The following ITIH4 variants were observed in gnomAD, a reference collection of about 807,000 sequenced individuals.
ITIH4 encodes the protein inter-alpha-trypsin inhibitor heavy chain H4.
ITIH4 carries 79 observed loss-of-function variants against 111.8 expected under a neutral mutation model. That is an observed-to-expected ratio of 0.71 (90% CI 0.59 to 0.85). The LOEUF (loss-of-function observed/expected upper bound fraction) is 0.85. ITIH4 is among the 40% of genes least tolerant of loss of function. The pLI, the probability that ITIH4 is intolerant of heterozygous loss-of-function variation, is 0.00. For synonymous variants in ITIH4, 472 were observed against 468.3 expected (o/e 1.01, Z -0.10); for missense variants, 1,065 against 1,195.8 (o/e 0.89, Z 1.61).
chr3:52,822,268 G>C (rs886670896), intron 11 of ITIH4: 1 of 152,158 alleles, frequency 6.6e-6, no homozygotes, highest in African/African-American at 2.4e-5. Context: ...GTGTGAACCT[G>C]GGAGGTGGAG....
chr3:52,826,273 A>T (rs760877241), intron 5 of ITIH4, among the ~76,000 whole-genome samples: 2 of 152,048 alleles, frequency 1.3e-5, no homozygotes, highest in Non-Finnish European at 2.9e-5. Context: ...CCTTCTCTCC[A>T]CCTGGCCCCA....
chr3:52,815,325 C>T (rs183731085), intron 21 of ITIH4, among the ~76,000 whole-genome samples: 165 of 151,468 alleles, frequency 1.1e-3, no homozygotes, highest in Admixed American at 4.3e-3. Flanking sequence ...CTCACTGCAA[C>T]CTCCACCTCC....
At position 52,820,259 on chromosome 3, in the gene ITIH4, C is replaced by T. The variant is rs201651062; in HGVS notation, c.1861+32G>A. On this transcript the variant is annotated intron_variant, in intron 14 of 23. Coordinates refer to ENST00000266041, the MANE Select transcript of ITIH4 (RefSeq NM_002218.5). ...GACCCTGTGTTAGCAGACCACCACC[C>T]AGCACAGCCTTTGAGGATGTTCGCT... 546 of 1,613,952 alleles carry T rather than the reference C, an allele frequency of 3.4e-4. 3 individuals are homozygous for T. The South Asian group carries it at 4.4e-3, about 13-fold the overall frequency.
chr3:52,816,207 G>A (rs998667483), intron 21 of ITIH4, among the ~76,000 whole-genome samples: 8 of 152,282 alleles, frequency 5.3e-5, no homozygotes, highest in East Asian at 1.9e-4. Context: ...GACGCCCCTC[G>A]TGATCTGCAA....
intron 6 of ITIH4, 122 bp downstream of exon 6, chr3:52,825,764 C>G (rs1000503680): frequency 9.4e-7 from 1 of 1,066,768 alleles, no homozygotes; most frequent in South Asian, 1.8e-5. Context: ...CTGTCTGTGC[C>G]GGTCCCTGGT....
rs921439153 is a variant in ITIH4 at position 52,819,775 on chromosome 3, T to C, written c.1930A>G (p.Arg644Gly). The C allele has an allele frequency of 6.2e-7, 1 of 1,613,986 alleles. No homozygotes were observed. The highest frequency in any genetic ancestry group is 8.5e-7 in the Non-Finnish European group (1 of 1,180,004). Reference protein sequence around the residue: ...IPKPEASFSPRRGWNRQAGAA... With the variant: ...IPKPEASFSPGRGWNRQAGAA... Reference sequence around the variant, plus strand: ...CTACCTTGTCTATTCCATCCTCTTCTTGGAGAAAAGGAAGCCTCTGTGTGG... The same window carrying C: ...CTACCTTGTCTATTCCATCCTCTTCCTGGAGAAAAGGAAGCCTCTGTGTGG... Residue 644 changes from arginine to glycine, a missense_variant, in exon 16 of 24, where the codon AGA becomes GGA. Arg to Gly is a moderately radical substitution (Grantham distance 125, BLOSUM62 -2). Transcript: ENST00000266041.
Position 52,820,182 on chromosome 3 carries a change from G to C in ITIH4, c.1861+109C>G, listed in dbSNP as rs550704043. On this transcript the variant is annotated intron_variant, in intron 14 of 23. Coordinates refer to ENST00000266041, the MANE Select transcript of ITIH4 (RefSeq NM_002218.5). ...CCTGGCAGCAGGGATGGGCTGGAGA[G>C]GCCTGGGTGGACCTGGGCCCTGGCC... is the stretch of plus-strand genomic sequence containing the variant. 30 of 1,474,942 alleles carry C rather than the reference G, an allele frequency of 2.0e-5. No homozygotes were observed. In the African/African-American group the frequency reaches 3.5e-4, roughly 17 times the overall value. 91.4% of individuals were successfully genotyped at this position (1,474,942 alleles called of 1,614,324 possible). A position where few individuals can be genotyped will look rare whatever the true frequency, so the allele number is the denominator to read the frequency against.
rs144028738 is a variant in ITIH4 at position 52,830,631 on chromosome 3, T to A, written c.12A>T (p.Pro4=). 24 of 1,608,034 alleles carry A rather than the reference T, an allele frequency of 1.5e-5. No individual in the cohort carries two copies. In the African/African-American group the frequency reaches 3.1e-4, roughly 21 times the overall value. ...CTTTGCTGCAGGTACGGACAGGCCT[T>A]GGGGGCTTCATCGTGGCTCCAGTGT... The part of the protein sequence containing the change: MKP[P]RPVRTCSKVL... The change falls in exon 1 of 24, where the codon CCA becomes CCT. Residue 4 remains proline (P), a synonymous_variant. Coordinates refer to ENST00000266041, the MANE Select transcript of ITIH4 (RefSeq NM_002218.5).
intron 21 of ITIH4, 39 bp from the exon 22 acceptor site, chr3:52,814,402 A>C: frequency 6.3e-7 from 1 of 1,590,666 alleles, no homozygotes; most frequent in Non-Finnish European, 8.6e-7. Context: ...GAAGGTAGAG[A>C]CGTGTGCACA....
Position 52,819,802 on chromosome 3 carries a change from C to G in ITIH4, c.1913-10G>C. On this transcript the variant is annotated splice_polypyrimidine_tract_variant and intron_variant, in intron 15 of 23. Transcript: ENST00000266041. ...GGAGAAAAGGAAGCCTCTGTGTGGT[C>G]AAGTCCTGATCAGATACAACTGAAC... is the stretch of plus-strand genomic sequence containing the variant. The G allele has an allele frequency of 6.2e-7, 1 of 1,614,080 alleles. No homozygotes were observed. The highest frequency in any genetic ancestry group is 2.2e-5 in the East Asian group (1 of 44,858).
intron 20 of ITIH4, among the ~76,000 whole-genome samples, 171 bp from the exon 21 acceptor site, chr3:52,817,229 C>G (rs1287297568): frequency 6.6e-6 from 1 of 152,236 alleles, no homozygotes; most frequent in Non-Finnish European, 1.5e-5. Flanking sequence ...CTGGCTCCCA[C>G]AATCTCTCCA....
At chr3:52,821,521 A>C (rs1422306819) in intron 11 of ITIH4, among the ~76,000 whole-genome samples, 1 of 152,130 alleles carries the variant, frequency 6.6e-6, no homozygotes, top group Non-Finnish European at 1.5e-5. Flanking sequence ...CCCAAAGCTG[A>C]GGGAAAGGGA....
intron 4 of ITIH4, 47 bp from the exon 5 acceptor site, chr3:52,826,698 G>C: frequency 1.4e-5 from 22 of 1,609,930 alleles, no homozygotes; most frequent in Non-Finnish European, 1.9e-5. Flanking sequence ...GCCTGGGCTG[G>C]GGCTCACAGG....
In ITIH4 at chr3:52,819,315, C is replaced by T; in HGVS notation, c.2077+78G>A. 9.6e-6 allele frequency: 15 copies of T among 1,566,780 alleles called. No individual in the cohort carries two copies. In the South Asian group the frequency reaches 1.6e-4, roughly 17 times the overall value. ...GCCTGGCCCTGTGGTGCGTGCTTTA[C>T]CCCACCCCCCTCTATGGGGCAGGCT... On this transcript the variant is annotated intron_variant, in intron 17 of 23. Coordinates refer to ENST00000266041, the MANE Select transcript of ITIH4 (RefSeq NM_002218.5).
In ITIH4 at chr3:52,818,107, A is replaced by G; in HGVS notation, c.2241T>C (p.Cys747=). 1.2e-6 allele frequency: 2 copies of G among 1,613,892 alleles called. No individual in the cohort carries two copies. The highest frequency in any genetic ancestry group is 1.7e-6 in the Non-Finnish European group (2 of 1,180,018). ...GCCCCTGGCGGTGTCTGGGGTCCAC[A>G]CAGAGCCGCTCCACACTCTGCCCAG... is the stretch of plus-strand genomic sequence containing the variant. The part of the protein sequence containing the change: ...PLPGQSVERL[C]VDPRHRQGPV... The change falls in exon 20 of 24, where the codon TGT becomes TGC. Residue 747 remains cysteine (C), a synonymous_variant. Coordinates refer to ENST00000266041, the MANE Select transcript of ITIH4 (RefSeq NM_002218.5).
At position 52,819,668 on chromosome 3, in the gene ITIH4, C is replaced by A. The variant is rs991812906; in HGVS notation, c.1951+86G>T. On this transcript the variant is annotated intron_variant, in intron 16 of 23. Transcript: ENST00000266041. Reference sequence around the variant, plus strand: ...CCAACTTGGGGAGCCTCTCCCCCAACAGCTGGGAGATGAACAATAATGGAC... The same window carrying A: ...CCAACTTGGGGAGCCTCTCCCCCAAAAGCTGGGAGATGAACAATAATGGAC... 109 of 1,576,126 alleles carry A rather than the reference C, an allele frequency of 6.9e-5. 4 individuals are homozygous for A. The South Asian group carries it at 1.2e-3, about 17-fold the overall frequency.
rs1249925436 is a variant in ITIH4, at chr3:52,825,848, C to T, written c.759+38G>A. The T allele has an allele frequency of 6.9e-6, 11 of 1,601,548 alleles. No homozygotes were observed. The South Asian group carries it at 1.1e-4, about 16-fold the overall frequency. On this transcript the variant is annotated intron_variant, in intron 6 of 23. Transcript: ENST00000266041. Reference sequence around the variant, plus strand: ...GCTCAGGCCCTTGGGGGTGGACAGACTTCTAGGCTGCTCTGCTCTTGCCTG... The same window carrying T: ...GCTCAGGCCCTTGGGGGTGGACAGATTTCTAGGCTGCTCTGCTCTTGCCTG...
Position 52,823,597 on chromosome 3 carries a change from G to C in ITIH4, c.1498C>G (p.Arg500Gly), listed in dbSNP as rs370415481. 2 of 1,613,564 alleles carry C rather than the reference G, an allele frequency of 1.2e-6. No individual in the cohort carries two copies. The highest frequency in any genetic ancestry group is 1.7e-6 in the Non-Finnish European group (2 of 1,179,876). Residue 500 changes from arginine (R) to glycine (G), a missense_variant, in exon 11 of 24, where the codon CGG becomes GGG. Coordinates refer to ENST00000266041, the MANE Select transcript of ITIH4 (RefSeq NM_002218.5). ...GTGGCTGTGAGCACATCAGGCCCCC[G>C]GTCCTGGAGCTTCCCAGCCACCACC... ...EMVVAGKLQD[R>G]GPDVLTATVS... is the part of the protein sequence containing the mutation.
intron 2 of ITIH4, among the ~76,000 whole-genome samples, chr3:52,828,229 G>A (rs1398833432): frequency 6.6e-6 from 1 of 152,234 alleles, no homozygotes; most frequent in Admixed American, 6.5e-5. Flanking sequence ...AGATGCCACG[G>A]GCCTGGACCT....
Sources: allele counts gnomAD v4.1 joint callset (sites outside exome capture counted in the v4.1 genomes callset), GRCh38; gene constraint gnomAD v4.1.1; transcripts MANE v1.5; gene names NCBI Gene and HGNC (gene_info 2026-07-23, HGNC 2026-07-21).